Variants in SLC2A13 observed in about 807,000 individuals in gnomAD.
SLC2A13 encodes solute carrier family 2 member 13, also known as proton myo-inositol cotransporter.
A neutral mutation model predicts 64.4 loss-of-function variants in SLC2A13; 32 were observed. The ratio of observed to expected loss-of-function variants is 0.50; its 90% CI spans 0.37 to 0.67. SLC2A13 has a LOEUF of 0.67. Ranked by LOEUF, SLC2A13 falls within the 30% of genes least tolerant of loss-of-function variation. SLC2A13 has a pLI of 0.00. For missense variants in SLC2A13, 743 were observed against 829.2 expected (o/e 0.90, Z 1.28); for synonymous variants, 338 against 327.1 (o/e 1.03, Z -0.36).
intron 4 of SLC2A13, among the ~76,000 whole-genome samples, chr12:39,930,139 A>AG (rs1387302367): frequency 3.9e-5 from 6 of 151,926 alleles, no homozygotes; most frequent in Admixed American, 3.9e-4. Context: ...TCAAAAAAAA[A>AG]AAAAAACCAA....
chr12:40,105,810 G>A lies in SLC2A13; in HGVS notation c.-2C>T. 2.7e-6 allele frequency: 4 copies of A among 1,466,856 alleles called. No individual in the cohort carries two copies. The highest frequency in any genetic ancestry group is 3.1e-5 in the East Asian group (1 of 32,748). The allele number at this position is 1,466,856 out of a possible 1,614,324, so 90.9% of individuals were successfully genotyped here. ...ATTCTCGCTTGCCTTGCGGGACATAGGGCAGGGGCCCGGGGCTGCCCGGGG... is the reference window on the plus strand; with the variant it reads ...ATTCTCGCTTGCCTTGCGGGACATAAGGCAGGGGCCCGGGGCTGCCCGGGG... On this transcript the variant is annotated 5_prime_UTR_variant, in exon 1 of 10. Transcript: ENST00000280871. The surrounding 1 kb of genome is among the most constrained non-coding windows in gnomAD (Gnocchi z 4.2).
chr12:40,027,645 C>T (rs1947837109), intron 3 of SLC2A13, among the ~76,000 whole-genome samples: 1 of 152,194 alleles, frequency 6.6e-6, no homozygotes, highest in African/African-American at 2.4e-5. Flanking sequence ...TGCTTCTCCC[C>T]TTGAGCTAAC....
intron 3 of SLC2A13, among the ~76,000 whole-genome samples, chr12:39,992,218 G>A (rs144580579): frequency 3.3e-5 from 5 of 152,242 alleles, no homozygotes; most frequent in African/African-American, 4.8e-5. Flanking sequence ...GGACAAAGGG[G>A]CGATTAAGCA....
chr12:39,955,735 T>A (rs768507192), intron 3 of SLC2A13, among the ~76,000 whole-genome samples: 2 of 152,016 alleles, frequency 1.3e-5, no homozygotes, highest in Non-Finnish European at 2.9e-5. Flanking sequence ...TGTATCCTTA[T>A]CAGGAGGAGG....
intron 3 of SLC2A13, among the ~76,000 whole-genome samples, chr12:39,953,901 A>G (rs1946274337): frequency 6.6e-6 from 1 of 152,160 alleles, no homozygotes; most frequent in Admixed American, 6.5e-5. Context: ...GAGTCCCACA[A>G]GGGCAGCCAC....
At chr12:39,779,731 G>A (rs1482081816) in intron 7 of SLC2A13, among the ~76,000 whole-genome samples, 1 of 152,202 alleles carries the variant, frequency 6.6e-6, no homozygotes, top group Non-Finnish European at 1.5e-5. Flanking sequence ...GACTGTCTGT[G>A]ATGGTAAAAG....
intron 4 of SLC2A13, among the ~76,000 whole-genome samples, chr12:39,948,899 A>C (rs1566127): frequency 0.87 from 131,578 of 152,066 alleles, 57,002 homozygotes; most frequent in East Asian, 1. Flanking sequence ...ACTAAAAATA[A>C]AAAAAGTAAA....
intron 1 of SLC2A13, among the ~76,000 whole-genome samples, chr12:40,087,096 C>T (rs925212471): frequency 6.6e-6 from 1 of 152,208 alleles, no homozygotes; most frequent in African/African-American, 2.4e-5. Context: ...CACAACCACA[C>T]ACATCCTCCT....
chr12:40,014,570 C>A (rs754453825), intron 3 of SLC2A13, among the ~76,000 whole-genome samples: 3 of 152,126 alleles, frequency 2.0e-5, no homozygotes, highest in Admixed American at 2.0e-4. Context: ...CGGCTCACTG[C>A]AACCTCCACC....
At chr12:40,056,967 G>A (rs1035931302) in intron 1 of SLC2A13, among the ~76,000 whole-genome samples, 11 of 151,934 alleles carry the variant, frequency 7.2e-5, no homozygotes, top group Admixed American at 6.6e-4. Context: ...GTGACAGAGC[G>A]AGACTTCGTG....
At chr12:40,077,956 C>G (rs903218605) in intron 1 of SLC2A13, among the ~76,000 whole-genome samples, 5 of 151,900 alleles carry the variant, frequency 3.3e-5, no homozygotes, top group Non-Finnish European at 7.4e-5. Context: ...TCGGCTTCAA[C>G]GTTATTGATG....
chr12:39,971,997 A>AAAAAATATATATATAT (rs1375405006), intron 3 of SLC2A13, among the ~76,000 whole-genome samples: 1 of 77,380 alleles, frequency 1.3e-5, no homozygotes, highest in Non-Finnish European at 2.5e-5. Flanking sequence ...AAAAAAAAAA[A>AAAAAATATATATATAT]ATATATATAT....
chr12:40,061,113 G>GA (rs961285572), intron 1 of SLC2A13, among the ~76,000 whole-genome samples: 9 of 151,792 alleles, frequency 5.9e-5, no homozygotes, highest in African/African-American at 1.7e-4. Flanking sequence ...AACTACTTGA[G>GA]AAAAAATTGT....
intron 4 of SLC2A13, among the ~76,000 whole-genome samples, chr12:39,935,789 A>C (rs1449773574): frequency 6.6e-6 from 1 of 152,182 alleles, no homozygotes. Context: ...ACATGAAGGC[A>C]CTGAAGCTTG....
chr12:40,069,412 T>A (rs1033364165), intron 1 of SLC2A13, among the ~76,000 whole-genome samples: 1 of 151,946 alleles, frequency 6.6e-6, no homozygotes, highest in Non-Finnish European at 1.5e-5. Flanking sequence ...TAAAAAAAAA[T>A]TGGGTGAAAA....
At chr12:39,914,635 CA>C (rs1227444449) in intron 4 of SLC2A13, among the ~76,000 whole-genome samples, 2 of 151,694 alleles carry the variant, frequency 1.3e-5, no homozygotes, top group African/African-American at 4.8e-5. Context: ...AAAGTAATGG[CA>C]AAAACTGCAA....
At chr12:40,097,675 C>G (rs1447257926) in intron 1 of SLC2A13, among the ~76,000 whole-genome samples, 1 of 152,058 alleles carries the variant, frequency 6.6e-6, no homozygotes, top group African/African-American at 2.4e-5. Flanking sequence ...TCCAAACCAC[C>G]ATATCACTTC....
intron 3 of SLC2A13, among the ~76,000 whole-genome samples, chr12:40,007,124 C>A (rs180886852): frequency 6.6e-6 from 1 of 152,190 alleles, no homozygotes; most frequent in African/African-American, 2.4e-5. Context: ...ACTAATGAGC[C>A]CCTCCCACCT....
intron 3 of SLC2A13, among the ~76,000 whole-genome samples, chr12:39,991,806 T>A (rs199919958): frequency 8.6e-5 from 13 of 151,734 alleles, no homozygotes; most frequent in African/African-American, 1.9e-4. Flanking sequence ...ACTATCTTTT[T>A]AAAAAAAAAT....
Sources: allele counts gnomAD v4.1 joint callset (sites outside exome capture counted in the v4.1 genomes callset), GRCh38; gene constraint gnomAD v4.1.1; non-coding constraint Gnocchi (gnomAD v3.1); transcripts MANE v1.5; gene names NCBI Gene and HGNC (gene_info 2026-07-23, HGNC 2026-07-21).